Variants in MBIP observed in about 807,000 individuals in gnomAD.
The protein encoded by MBIP is MAP3K12-binding inhibitory protein 1.
In MBIP, 32 loss-of-function variants were observed where a neutral mutation model predicts 45.7. The observed-to-expected ratio is 0.70, with a 90% CI of 0.53 to 0.94. The LOEUF is 0.94. Among genes scored for constraint, MBIP ranks in the 40% least tolerant of loss-of-function variants. The pLI, the probability that MBIP is intolerant of heterozygous loss-of-function variation, is 0.00. For missense variants in MBIP, 381 were observed against 405.5 expected, an observed-to-expected ratio of 0.94 and a Z score of 0.52; for synonymous variants, 145 against 141.0, an observed-to-expected ratio of 1.03 and a Z score of -0.20.
rs1369311311 is a variant in MBIP, at chr14:36,311,870, A to T, written c.637+89T>A. 3 of 1,263,614 alleles carry T rather than the reference A, an allele frequency of 2.4e-6. No individual in the cohort carries two copies. The African/African-American group carries it at 4.5e-5, about 19-fold the overall frequency. The allele number at this position is 1,263,614 out of a possible 1,614,324, so 78.3% of individuals were successfully genotyped here. A position where few individuals can be genotyped will look rare whatever the true frequency, so the allele number is the denominator to read the frequency against. ...GGCAAGATGTTTTTGTTTTAAAATA[A>T]AATTTAGATGGGAAAGTTATTTCTA... On this transcript the variant is annotated intron_variant, in intron 5 of 8. Transcript: ENST00000416007.
At chr14:36,312,127 A>G in intron 4 of MBIP, 103 bp from the exon 5 acceptor site, 1 of 551,226 alleles carries the variant, frequency 1.8e-6, no homozygotes, top group Non-Finnish European at 3.0e-6. Flanking sequence ...TTTACTCATA[A>G]TAATTTTAAT....
At chr14:36,305,124 G>A (rs1210315861) in intron 7 of MBIP, 1 of 152,208 alleles carries the variant, frequency 6.6e-6, no homozygotes, top group East Asian at 1.9e-4. Context: ...TGAGGGTGAT[G>A]AATAATGTAC....
intron 1 of MBIP, 117 bp from the exon 2 acceptor site, chr14:36,316,929 G>T: frequency 9.9e-7 from 1 of 1,011,602 alleles, no homozygotes; most frequent in Non-Finnish European, 1.4e-6. Flanking sequence ...AAGTTATCAA[G>T]TTTTTAATAA....
rs1313314772 is a variant in MBIP, at chr14:36,314,925, A to C, written c.250-10T>G. ...GTTTTGCTAAAAAAGGCTGAGAACA[A>C]CACAATTCCATCTGCTGAGGTTCAA... On this transcript the variant is annotated splice_polypyrimidine_tract_variant and intron_variant, in intron 2 of 8. Transcript: ENST00000416007. 17 of 1,563,836 alleles carry C rather than the reference A, an allele frequency of 1.1e-5. No homozygotes were observed. The highest frequency in any genetic ancestry group is 3.3e-5 in the South Asian group (3 of 89,948).
At chr14:36,316,461 G>T (rs1290198243) in intron 2 of MBIP, among the ~76,000 whole-genome samples, 1 of 152,058 alleles carries the variant, frequency 6.6e-6, no homozygotes, top group Non-Finnish European at 1.5e-5. Flanking sequence ...GTCTAGAATT[G>T]AATAGAATTG....
rs915024729 is a variant in MBIP, at chr14:36,302,937, C to T, written c.889-2114G>A. Among the ~76,000 whole-genome samples the T allele has an allele frequency of 3.9e-5, 6 of 152,140 alleles. No homozygotes were observed. The East Asian group carries it at 5.8e-4, about 15-fold the overall frequency. On this transcript the variant is annotated intron_variant, in intron 7 of 8. Coordinates refer to ENST00000416007, the MANE Select transcript of MBIP (RefSeq NM_016586.3). ...TTTCCTGGGCTAGTGACATGTGATA[C>T]GATGCTCTCTTGTGATGCTGGGCAG...
rs374764232 is a variant in MBIP, at chr14:36,314,672, C to T, written c.474+19G>A. 63 of 1,609,686 alleles carry T rather than the reference C, an allele frequency of 3.9e-5. No homozygotes were observed. In the Middle Eastern group the frequency reaches 9.9e-4, roughly 25 times the overall value. ...TTTTAAAATAATACCCTCTCGCCCC[C>T]GCCAAAAAACCTTCTTACTTCTGCT... On this transcript the variant is annotated intron_variant, in intron 3 of 8. Transcript: ENST00000416007.
chr14:36,320,567 T>G lies in MBIP; in HGVS notation c.22A>C (p.Asn8His). The part of the protein sequence containing the change: MAAATEL[N>H]RPSSGDRNLE... ...TTCCTGTCACCGCTGCTCGGGCGATTAAGCTCCGTGGCAGCAGCCATGATA... is the reference window on the plus strand; with the variant it reads ...TTCCTGTCACCGCTGCTCGGGCGATGAAGCTCCGTGGCAGCAGCCATGATA... Residue 8 changes from asparagine (N) to histidine (H), a missense_variant, in exon 1 of 9, where the codon AAT becomes CAT. Asn to His is a moderately conservative substitution (Grantham distance 68). Coordinates refer to ENST00000416007, the MANE Select transcript of MBIP (RefSeq NM_016586.3). 1 of 1,612,664 alleles carries G rather than the reference T, an allele frequency of 6.2e-7. No homozygotes were observed. The highest frequency in any genetic ancestry group is 8.5e-7 in the Non-Finnish European group (1 of 1,179,312).
intron 4 of MBIP, among the ~76,000 whole-genome samples, chr14:36,313,106 C>T (rs1291317699): frequency 2.0e-5 from 3 of 148,638 alleles, no homozygotes; most frequent in Non-Finnish European, 3.0e-5. Context: ...ATCCACTTAG[C>T]TTTTATATCT....
chr14:36,311,916 A>T, intron 5 of MBIP, 43 bp downstream of exon 5: 1 of 1,425,370 alleles, frequency 7.0e-7, no homozygotes, highest in Non-Finnish European at 9.6e-7. Flanking sequence ...CTAATAATCT[A>T]GACTTCTGTC....
intron 7 of MBIP, 167 bp from the exon 8 acceptor site, chr14:36,300,990 C>T: frequency 2.1e-6 from 1 of 468,882 alleles, no homozygotes. Flanking sequence ...ACCTTATATT[C>T]TGCAAGTTAC....
intron 6 of MBIP, among the ~76,000 whole-genome samples, chr14:36,309,974 T>C (rs1880105596): frequency 6.6e-6 from 1 of 152,182 alleles, no homozygotes; most frequent in Admixed American, 6.5e-5. Context: ...ACTATTAATC[T>C]TTCTCTCATT....
chr14:36,308,791 CA>C (rs1268349271), intron 6 of MBIP, among the ~76,000 whole-genome samples: 1 of 152,014 alleles, frequency 6.6e-6, no homozygotes, highest in African/African-American at 2.4e-5. Context: ...TGGTCCAGAC[CA>C]CTTCCACCTC....
rs967120704 is a variant in MBIP, at chr14:36,316,751, G to C, written c.191C>G (p.Ser64Trp). Residue 64 changes from serine (S) to tryptophan (W), a missense_variant, in exon 2 of 9, where the codon TCG becomes TGG. By Grantham distance (177) the Ser-to-Trp change is radical (BLOSUM62 -3). Transcript: ENST00000416007. ...AAAGAGCAATGCAGGCTGGAATGCC[G>C]AGAGGCTCTGGAGCTTGTTCCAATC... is the stretch of plus-strand genomic sequence containing the variant. ...TIDWNKLQSL[S>W]AFQPALLFSA... 6.2e-7 allele frequency: 1 copy of C among 1,612,844 alleles called. No homozygotes were observed. Among genetic ancestry groups the C allele is most frequent in the Non-Finnish European group, 8.5e-7 (1 of 1,179,258 alleles).
In MBIP at chr14:36,316,702, T is replaced by C; in HGVS notation, c.240A>G (p.Leu80=). Residue 80 remains leucine (L), a synonymous_variant, in exon 2 of 9, where the codon TTA becomes TTG. Transcript: ENST00000416007. ...CTAACAAGAAATTTACCTGTAAATA[T>C]AAAATGTGTTGTTCAAGTGCACTAA... The part of the protein sequence containing the change: ...LLFSALEQHI[L]YLQPFLAKLQ... 3.1e-6 allele frequency: 5 copies of C among 1,602,982 alleles called. No homozygotes were observed. Among genetic ancestry groups the C allele is most frequent in the Non-Finnish European group, 4.3e-6 (5 of 1,175,868 alleles).
chr14:36,313,067 TAAA>T (rs1880303772), intron 4 of MBIP, among the ~76,000 whole-genome samples: 1 of 151,936 alleles, frequency 6.6e-6, no homozygotes, highest in Non-Finnish European at 1.5e-5. Context: ...GTTCTGTTGA[TAAA>T]TCAAATAGTA....
intron 8 of MBIP, among the ~76,000 whole-genome samples, 189 bp downstream of exon 8, chr14:36,300,596 C>T (rs970887596): frequency 6.6e-6 from 1 of 152,190 alleles, no homozygotes; most frequent in African/African-American, 2.4e-5. Context: ...TTTAACCTAT[C>T]TGAGTCATTC....
At chr14:36,307,239 A>G (rs1244737310) in intron 7 of MBIP, among the ~76,000 whole-genome samples, 1 of 152,188 alleles carries the variant, frequency 6.6e-6, no homozygotes, top group Non-Finnish European at 1.5e-5. Context: ...TACTCAATCT[A>G]TAACTTTGGA....
At chr14:36,311,758 T>C in intron 5 of MBIP, 33 bp from the exon 6 acceptor site, 1 of 1,533,934 alleles carries the variant, frequency 6.5e-7, no homozygotes. Flanking sequence ...CTATATACAT[T>C]TGTATTTCAA....
Sources: allele counts gnomAD v4.1 joint callset (sites outside exome capture counted in the v4.1 genomes callset), GRCh38; gene constraint gnomAD v4.1.1; transcripts MANE v1.5; gene names NCBI Gene and HGNC (gene_info 2026-07-23, HGNC 2026-07-21).